The following IQGAP2 variants were observed in gnomAD, a reference collection of about 807,000 sequenced individuals.
The protein encoded by IQGAP2 is ras GTPase-activating-like protein IQGAP2.
Under a neutral mutation model 201.3 loss-of-function variants are expected in IQGAP2, and 173 were observed. The observed-to-expected ratio is 0.86, with a 90% CI of 0.76 to 0.98. The LOEUF is 0.98. Among genes scored for constraint, IQGAP2 ranks in the 50% least tolerant of loss-of-function variants. IQGAP2 has a pLI of 0.00. For synonymous variants in IQGAP2, 675 were observed against 673.9 expected, an observed-to-expected ratio of 1.00 and a Z score of -0.03; for missense variants, 1,687 against 1,864.8, an observed-to-expected ratio of 0.90 and a Z score of 1.76.
chr5:76,604,313 C>CTT (rs142119457), intron 11 of IQGAP2, among the ~76,000 whole-genome samples: 3,452 of 150,706 alleles, frequency 0.023, 144 homozygotes, highest in African/African-American at 0.078. Flanking sequence ...TGAACTCATC[C>CTT]TTTTTTTTTA....
chr5:76,604,512 C>T (rs2150328553), intron 11 of IQGAP2, among the ~76,000 whole-genome samples: 1 of 151,980 alleles, frequency 6.6e-6, no homozygotes, highest in East Asian at 1.9e-4. Context: ...AATGGTGTTA[C>T]TTTTAAAATC....
At chr5:76,610,510 GTGAGCCAAGA>G (rs1250408235) in intron 12 of IQGAP2, among the ~76,000 whole-genome samples, 1 of 151,576 alleles carries the variant, frequency 6.6e-6, no homozygotes, top group Non-Finnish European at 1.5e-5. Flanking sequence ...GGAGGTGGCA[GTGAGCCAAGA>G]TCATGCCACA....
chr5:76,604,720 C>T (rs1747678806), intron 11 of IQGAP2, among the ~76,000 whole-genome samples: 2 of 152,136 alleles, frequency 1.3e-5, no homozygotes, highest in Non-Finnish European at 2.9e-5. Flanking sequence ...TGCAAGTTAC[C>T]GATAATCCAA....
At chr5:76,437,033 C>T (rs763622802) in intron 1 of IQGAP2, among the ~76,000 whole-genome samples, 1 of 151,904 alleles carries the variant, frequency 6.6e-6, no homozygotes, top group South Asian at 2.1e-4. Context: ...GGTTGAAGCC[C>T]CTTGATTATG....
intron 2 of IQGAP2, among the ~76,000 whole-genome samples, chr5:76,501,643 C>CTTTTTTTTT (rs56929376): frequency 0.7 from 70,674 of 100,300 alleles, 25,456 homozygotes; most frequent in Non-Finnish European, 0.72. Context: ...TTTTCCTTTT[C>CTTTTTTTTT]TTTTTTTTTT....
rs754289826 is a variant in IQGAP2, at chr5:76,677,369, C to T, written c.3660+19C>T. ...ACACTCAGTAAGTGGGGATGGGGAGCCATCTTAGCAATGGACCCATGATTT... is the reference window on the plus strand; with the variant it reads ...ACACTCAGTAAGTGGGGATGGGGAGTCATCTTAGCAATGGACCCATGATTT... On this transcript the variant is annotated intron_variant, in intron 28 of 35. Transcript: ENST00000274364. The T allele has an allele frequency of 6.8e-6, 11 of 1,611,266 alleles. No individual in the cohort carries two copies. The highest frequency in any genetic ancestry group is 9.3e-6 in the Non-Finnish European group (11 of 1,178,668).
At chr5:76,432,386 A>G (rs1752424576) in intron 1 of IQGAP2, among the ~76,000 whole-genome samples, 1 of 152,074 alleles carries the variant, frequency 6.6e-6, no homozygotes, top group East Asian at 1.9e-4. Context: ...CAGCTTCGCA[A>G]AGTTCTGGGA....
At chr5:76,694,395 C>T (rs2150541061) in intron 31 of IQGAP2, among the ~76,000 whole-genome samples, 1 of 152,182 alleles carries the variant, frequency 6.6e-6, no homozygotes, top group South Asian at 2.1e-4. Flanking sequence ...GACTTTTACT[C>T]CTTACTATTT....
intron 30 of IQGAP2, among the ~76,000 whole-genome samples, chr5:76,691,219 GTA>G (rs1746234913): frequency 6.6e-6 from 1 of 152,154 alleles, no homozygotes; most frequent in Non-Finnish European, 1.5e-5. Flanking sequence ...CAGGCCTGGT[GTA>G]CAGTAGAAGT....
intron 20 of IQGAP2, among the ~76,000 whole-genome samples, chr5:76,656,577 G>A (rs1484097166): frequency 6.6e-6 from 1 of 151,822 alleles, no homozygotes; most frequent in African/African-American, 2.4e-5. Flanking sequence ...TATGAAAGAT[G>A]ACTTCAAAAT....
At chr5:76,602,340 G>A (rs149009262) in intron 11 of IQGAP2, among the ~76,000 whole-genome samples, 203 of 152,248 alleles carry the variant, frequency 1.3e-3, no homozygotes, top group African/African-American at 4.5e-3. Flanking sequence ...ATCTTGGTGA[G>A]ATAACTGTCA....
intron 2 of IQGAP2, among the ~76,000 whole-genome samples, chr5:76,485,470 C>A (rs541409897): frequency 1.3e-5 from 2 of 152,228 alleles, no homozygotes; most frequent in African/African-American, 4.8e-5. Context: ...CTTTTTTCCC[C>A]CCTTGGTTAT....
chr5:76,427,879 C>T (rs1752102209), intron 1 of IQGAP2, among the ~76,000 whole-genome samples: 1 of 152,316 alleles, frequency 6.6e-6, no homozygotes, highest in East Asian at 1.9e-4. Flanking sequence ...CTGTTGTGTG[C>T]GGGGCTGCTC....
intron 13 of IQGAP2, chr5:76,616,584 G>T (rs551159409): frequency 2.0e-5 from 3 of 153,066 alleles, no homozygotes; most frequent in African/African-American, 7.2e-5. Context: ...GGACGTAGTG[G>T]CTCATGCCTG....
At chr5:76,688,120 T>TA (rs1745948219) in intron 30 of IQGAP2, among the ~76,000 whole-genome samples, 1 of 152,216 alleles carries the variant, frequency 6.6e-6, no homozygotes, top group Non-Finnish European at 1.5e-5. Context: ...AAGCATAAGA[T>TA]ATAGTTCTTG....
chr5:76,507,402 T>C (rs1757667195), intron 2 of IQGAP2, among the ~76,000 whole-genome samples: 1 of 134,130 alleles, frequency 7.5e-6, no homozygotes, highest in Admixed American at 7.8e-5. Context: ...AACACAAAAC[T>C]CTAAAACTCC....
rs139451501 is a variant in IQGAP2, at chr5:76,634,607, A to G, written c.1781-2427A>G. ...AACGTTTGCCAACCCCTGTTCTAGAAAGAAGAGCATCCCAAGCAATTAAAG... is the reference window on the plus strand; with the variant it reads ...AACGTTTGCCAACCCCTGTTCTAGAGAGAAGAGCATCCCAAGCAATTAAAG... On this transcript the variant is annotated intron_variant, in intron 15 of 35. Coordinates refer to ENST00000274364, the MANE Select transcript of IQGAP2 (RefSeq NM_006633.5). Among the ~76,000 whole-genome samples, 607 of 152,256 alleles carry G rather than the reference A, an allele frequency of 4.0e-3. 4 individuals are homozygous for G. The highest frequency in any genetic ancestry group is 0.014 in the African/African-American group (576 of 41,556).
chr5:76,579,466 G>T (rs553446106), intron 5 of IQGAP2, among the ~76,000 whole-genome samples: 6 of 148,316 alleles, frequency 4.0e-5, no homozygotes, highest in African/African-American at 1.5e-4. Flanking sequence ...AAATCAGACC[G>T]CATTTAAGTA....
chr5:76,434,753 T>C (rs1338839025), intron 1 of IQGAP2, among the ~76,000 whole-genome samples: 1 of 152,206 alleles, frequency 6.6e-6, no homozygotes, highest in Non-Finnish European at 1.5e-5. Context: ...ATGGTAGATC[T>C]ACTTTTAGTT....
Sources: allele counts gnomAD v4.1 joint callset (sites outside exome capture counted in the v4.1 genomes callset), GRCh38; gene constraint gnomAD v4.1.1; transcripts MANE v1.5; gene names NCBI Gene and HGNC (gene_info 2026-07-23, HGNC 2026-07-21).